Variants in FRYL observed in about 807,000 individuals in gnomAD.
FRYL encodes protein furry homolog-like.
In FRYL, 150 loss-of-function variants were observed where a neutral mutation model predicts 351.2. That is an observed-to-expected ratio of 0.43 (90% confidence interval 0.37 to 0.49). The LOEUF (loss-of-function observed/expected upper bound fraction) is 0.49. Ranked by LOEUF, FRYL falls within the 20% of genes least tolerant of loss-of-function variation. The pLI, the probability that FRYL is intolerant of heterozygous loss-of-function variation, is 0.00. For missense variants in FRYL, 3,036 were observed against 3,619.3 expected (o/e 0.84, Z 4.13); for synonymous variants, 1,153 against 1,257.1 (o/e 0.92, Z 1.75).
chr4:48,642,367 GA>G lies in FRYL; in HGVS notation c.-80-7878del, dbSNP rs1297175695. On this transcript the variant is annotated intron_variant, in intron 3 of 63. Transcript: ENST00000358350. ...ACTCGTCTTCTTTTGTGTACCTAGA[GA>G]AAAAAATGTATACTTTCCTTCAGAG... is the stretch of plus-strand genomic sequence containing the variant. 5.3e-5 allele frequency among the ~76,000 whole-genome samples: 8 copies of G among 152,016 alleles called. No individual in the cohort carries two copies. The South Asian group carries it at 1.5e-3, about 28-fold the overall frequency.
chr4:48,579,339 T>A, intron 22 of FRYL, 98 bp from the exon 23 acceptor site: 1 of 951,396 alleles, frequency 1.1e-6, no homozygotes, highest in Non-Finnish European at 1.5e-6. Context: ...ATTAGTAGTT[T>A]CTAAAACAAG....
intron 7 of FRYL, among the ~76,000 whole-genome samples, chr4:48,611,088 A>G (rs1748081843): frequency 6.6e-6 from 1 of 151,920 alleles, no homozygotes; most frequent in Admixed American, 6.6e-5. Flanking sequence ...ATCCTTCAGT[A>G]TATATGGTGC....
intron 3 of FRYL, among the ~76,000 whole-genome samples, chr4:48,678,776 T>C (rs1764182944): frequency 6.6e-6 from 1 of 152,108 alleles, no homozygotes; most frequent in Non-Finnish European, 1.5e-5. Context: ...ATCAGATTAT[T>C]TGCTGTTTCA....
chr4:48,526,462 T>A (rs2148856508), intron 53 of FRYL, among the ~76,000 whole-genome samples: 1 of 152,256 alleles, frequency 6.6e-6, no homozygotes, highest in South Asian at 2.1e-4. Context: ...TGTCCTAATT[T>A]GGGCCAATGA....
intron 7 of FRYL, among the ~76,000 whole-genome samples, chr4:48,616,410 A>T (rs1427492099): frequency 6.6e-6 from 1 of 152,226 alleles, no homozygotes; most frequent in South Asian, 2.1e-4. Context: ...ATATGTATTG[A>T]GGACTTTCCA....
At chr4:48,596,835 G>T (rs1462851006) in intron 13 of FRYL, among the ~76,000 whole-genome samples, 6 of 150,666 alleles carry the variant, frequency 4.0e-5, no homozygotes, top group Admixed American at 1.3e-4. Context: ...CAATAATTTT[G>T]AAATGTAGCT....
intron 1 of FRYL, among the ~76,000 whole-genome samples, chr4:48,722,226 A>C (rs1176590452): frequency 6.6e-6 from 1 of 152,182 alleles, no homozygotes; most frequent in Non-Finnish European, 1.5e-5. Flanking sequence ...AACAATGGGA[A>C]GCAGATACTA....
At chr4:48,554,877 C>A (rs1733743277) in intron 35 of FRYL, among the ~76,000 whole-genome samples, 1 of 152,136 alleles carries the variant, frequency 6.6e-6, no homozygotes, top group Non-Finnish European at 1.5e-5. Context: ...ACTCCTTTCT[C>A]CAGGAAGCTT....
chr4:48,617,371 CAG>C (rs1181034504), intron 7 of FRYL, among the ~76,000 whole-genome samples: 3 of 144,276 alleles, frequency 2.1e-5, no homozygotes, highest in Non-Finnish European at 4.5e-5. Flanking sequence ...TTTAAAGAGA[CAG>C]GGTCTTGCAC....
At chr4:48,553,489 GAATA>G (rs1353263061) in intron 35 of FRYL, 106 bp from the exon 36 acceptor site, 2 of 701,906 alleles carry the variant, frequency 2.8e-6, no homozygotes, top group Non-Finnish European at 4.9e-6. Flanking sequence ...AGTGGTAGAT[GAATA>G]AACACAATCT....
rs777353548 is a variant in FRYL, at chr4:48,547,657, G to T, written c.5001C>A (p.Leu1667=). The T allele has an allele frequency of 6.2e-7, 1 of 1,607,562 alleles. No individual in the cohort carries two copies. Among genetic ancestry groups the T allele is most frequent in the Non-Finnish European group, 8.5e-7 (1 of 1,175,430 alleles). The part of the protein sequence containing the change: ...SNIRTVASVL[L]RNKEFNEPRV... ...TGGGCTCATTAAACTCCTTGTTCCT[G>T]AGAAGGACAGAAGCAACAGTTCGGA... Residue 1667 remains leucine (L), a synonymous_variant, in exon 41 of 64, where the codon CTC becomes CTA. Transcript: ENST00000358350.
chr4:48,663,859 T>C (rs1273214363), intron 3 of FRYL, among the ~76,000 whole-genome samples: 1 of 151,164 alleles, frequency 6.6e-6, no homozygotes, highest in Non-Finnish European at 1.5e-5. Flanking sequence ...AGTGTGTGTG[T>C]CCAAATGTTC....
intron 3 of FRYL, among the ~76,000 whole-genome samples, chr4:48,679,157 A>G (rs913965905): frequency 6.6e-6 from 1 of 152,096 alleles, no homozygotes; most frequent in Non-Finnish European, 1.5e-5. Flanking sequence ...GCTGATTTAT[A>G]TTTTTTTAAT....
intron 59 of FRYL, chr4:48,506,669 T>C (rs1721111788): frequency 1.0e-5 from 1 of 96,680 alleles, no homozygotes; most frequent in East Asian, 2.9e-4. Context: ...TATATATATA[T>C]GAAATCATTA....
rs547283303 is a variant in FRYL at position 48,525,926 on chromosome 4, G to A, written c.7317+1551C>T. Among the ~76,000 whole-genome samples, 44 of 151,876 alleles carry A rather than the reference G, an allele frequency of 2.9e-4. No homozygotes were observed. The South Asian group carries it at 4.0e-3, about 14-fold the overall frequency. On this transcript the variant is annotated intron_variant, in intron 53 of 63. Coordinates refer to ENST00000358350, the MANE Select transcript of FRYL (RefSeq NM_015030.2). ...ATGAATGTGTATGAGCTGTATATGA[G>A]TAGTATATGTATATGTACATGAGAG...
chr4:48,548,848 A>G lies in FRYL; in HGVS notation c.4785-55T>C, dbSNP rs60553677. 649 of 1,001,786 alleles carry G rather than the reference A, an allele frequency of 6.5e-4. 3 individuals are homozygous for G. In the African/African-American group the frequency reaches 9.8e-3, roughly 15 times the overall value. 62.1% of individuals were successfully genotyped at this position (1,001,786 alleles called of 1,614,324 possible). A position where few individuals can be genotyped will look rare whatever the true frequency, so the allele number is the denominator to read the frequency against. ...TTACTAGATCTCAGTAAACCTAGAG[A>G]GAATTTGGTACAAAATTACTTGAAG... On this transcript the variant is annotated intron_variant, in intron 39 of 63. Transcript: ENST00000358350.
At chr4:48,773,880 G>T (rs943216626) in intron 1 of FRYL, among the ~76,000 whole-genome samples, 12 of 152,142 alleles carry the variant, frequency 7.9e-5, no homozygotes, top group Non-Finnish European at 1.5e-4. Context: ...AGCTGTGACT[G>T]CACCACTGCA....
At chr4:48,725,082 T>A (rs1338476143) in intron 1 of FRYL, among the ~76,000 whole-genome samples, 2 of 152,120 alleles carry the variant, frequency 1.3e-5, no homozygotes, top group East Asian at 1.9e-4. Context: ...AAAGAGAAAA[T>A]TCAAGCATCA....
chr4:48,536,125 G>A (rs1486530723), intron 47 of FRYL, among the ~76,000 whole-genome samples: 7 of 152,120 alleles, frequency 4.6e-5, no homozygotes, highest in Admixed American at 2.0e-4. Context: ...GTGTGAACTC[G>A]GGACATCATT....
Sources: allele counts gnomAD v4.1 joint callset (sites outside exome capture counted in the v4.1 genomes callset), GRCh38; gene constraint gnomAD v4.1.1; transcripts MANE v1.5; gene names NCBI Gene and HGNC (gene_info 2026-07-23, HGNC 2026-07-21).